The following CHSY1 variants were observed in gnomAD, a reference collection of about 807,000 sequenced individuals.
CHSY1 encodes the protein chondroitin sulfate synthase 1, also known as N-acetylgalactosaminyl-proteoglycan 3-beta-glucuronosyltransferase 1.
In CHSY1, 13 loss-of-function variants were observed where a neutral mutation model predicts 59.8. That is an observed-to-expected ratio of 0.22 (90% CI 0.14 to 0.35). The LOEUF (loss-of-function observed/expected upper bound fraction) is 0.35, where lower values mean the gene tolerates loss of function less well. Ranked by LOEUF, CHSY1 falls within the 10% of genes least tolerant of loss-of-function variation. CHSY1 has a pLI of 1.00. For synonymous variants in CHSY1, 459 were observed against 401.2 expected (o/e 1.14, Z -1.72); for missense variants, 947 against 1,030.6 (o/e 0.92, Z 1.11).
intron 1 of CHSY1, among the ~76,000 whole-genome samples, chr15:101,237,546 G>A (rs973289626): frequency 1.3e-5 from 2 of 152,136 alleles, no homozygotes; most frequent in African/African-American, 4.8e-5. Flanking sequence ...AAGAGACAAC[G>A]GTTGCCCGTC....
rs1225216214 is a variant in CHSY1 at position 101,178,304 on chromosome 15, T to C, written c.1493A>G (p.Asn498Ser). The C allele has an allele frequency of 5.0e-6, 8 of 1,609,576 alleles. No homozygotes were observed. Among genetic ancestry groups the C allele is most frequent in the Non-Finnish European group, 6.8e-6 (8 of 1,176,228 alleles). The change falls in exon 3 of 3, where the codon AAT becomes AGT. Residue 498 changes from asparagine (N) to serine (S), a missense_variant. Asn to Ser is a conservative substitution (Grantham distance 46). Coordinates refer to ENST00000254190, the MANE Select transcript of CHSY1 (RefSeq NM_014918.5). ...LDAQELAKRI[N>S]QESGSLSFLS... Reference sequence around the variant, plus strand: ...AAAGGACAAGGATCCAGATTCCTGATTGATTCTCTTGGCCAACTCTTGTGC... The same window carrying C: ...AAAGGACAAGGATCCAGATTCCTGACTGATTCTCTTGGCCAACTCTTGTGC...
At chr15:101,234,074 G>A (rs8038694) in intron 2 of CHSY1, among the ~76,000 whole-genome samples, 51,402 of 152,074 alleles carry the variant, frequency 0.34, 11,070 homozygotes, top group African/African-American at 0.62. Flanking sequence ...TGCAGGCAAA[G>A]GGTGCAGCAA....
intron 2 of CHSY1, among the ~76,000 whole-genome samples, chr15:101,197,717 A>G (rs567036269): frequency 1.3e-5 from 2 of 152,344 alleles, no homozygotes; most frequent in African/African-American, 4.8e-5. Context: ...CTACAAATAC[A>G]GGTGACCGAT....
At chr15:101,243,562 C>T (rs1263920257) in intron 1 of CHSY1, among the ~76,000 whole-genome samples, 1 of 152,214 alleles carries the variant, frequency 6.6e-6, no homozygotes, top group Non-Finnish European at 1.5e-5. Context: ...CCATCCCACA[C>T]ACGCGCCTCC....
At chr15:101,229,913 A>T (rs1043209026) in intron 2 of CHSY1, among the ~76,000 whole-genome samples, 1 of 151,858 alleles carries the variant, frequency 6.6e-6, no homozygotes, top group Non-Finnish European at 1.5e-5. Flanking sequence ...CCTCAAAAAT[A>T]ATAATGATGA....
At chr15:101,198,095 G>C (rs2141251587) in intron 2 of CHSY1, among the ~76,000 whole-genome samples, 1 of 152,128 alleles carries the variant, frequency 6.6e-6, no homozygotes, top group Admixed American at 6.5e-5. Context: ...TGTCCAGTTA[G>C]GTGTGAACCA....
chr15:101,177,710 G>A lies in CHSY1; in HGVS notation c.2087C>T (p.Thr696Met), dbSNP rs865817656. ...GACAAGATCTCCCTTATAAATACAC[G>A]TGATGCCAAACCCATAGTTTCTCCA... is the stretch of plus-strand genomic sequence containing the variant. ...GFWRNYGFGITCIYKGDLVRV... is the reference protein window; with the variant it reads ...GFWRNYGFGIMCIYKGDLVRV... The change falls in exon 3 of 3, where the codon ACG (threonine) becomes ATG (methionine). Residue 696 changes from threonine (T) to methionine (M), a missense_variant. Coordinates refer to ENST00000254190, the MANE Select transcript of CHSY1 (RefSeq NM_014918.5). The A allele has an allele frequency of 5.6e-6, 9 of 1,614,050 alleles. No homozygotes were observed. Among genetic ancestry groups the A allele is most frequent in the Non-Finnish European group, 3.4e-6 (4 of 1,180,036 alleles).
rs532735430 is a variant in CHSY1 at position 101,236,730 on chromosome 15, C to T, written c.321-1153G>A. Among the ~76,000 whole-genome samples the T allele has an allele frequency of 1.2e-3, 188 of 152,102 alleles. 1 individual carries two copies. The highest frequency in any genetic ancestry group is 2.2e-3 in the Non-Finnish European group (153 of 68,002). ...GTCCCAGCTACTAGCGAGGCTAAGG[C>T]GGGAGAATGGCATGAACCCGGAAGG... On this transcript the variant is annotated intron_variant, in intron 1 of 2. Transcript: ENST00000254190.
intron 2 of CHSY1, among the ~76,000 whole-genome samples, chr15:101,194,175 T>C (rs1006517410): frequency 2.6e-5 from 4 of 152,246 alleles, no homozygotes; most frequent in African/African-American, 9.6e-5. Context: ...CTAGTGACAG[T>C]AGAGTTAAGT....
Position 101,251,653 on chromosome 15 carries a change from G to T in CHSY1, c.-197C>A, listed in dbSNP as rs189611932. On this transcript the variant is annotated 5_prime_UTR_variant, in exon 1 of 3. Coordinates refer to ENST00000254190, the MANE Select transcript of CHSY1 (RefSeq NM_014918.5). ...CCCGCGCCGGCGCTTTGTTCCGCAC[G>T]CCCGCCCCCGCCGCCGCGGCCTGCG... is the stretch of plus-strand genomic sequence containing the variant. 1 of 146,282 alleles carries T rather than the reference G, an allele frequency of 6.8e-6. No individual in the cohort carries two copies. The highest frequency in any genetic ancestry group is 2.0e-4 in the East Asian group (1 of 5,046). 9.1% of individuals were successfully genotyped at this position (146,282 alleles called of 1,614,324 possible).
intron 2 of CHSY1, among the ~76,000 whole-genome samples, chr15:101,203,897 A>G (rs980399403): frequency 1.3e-5 from 2 of 152,206 alleles, no homozygotes; most frequent in Non-Finnish European, 2.9e-5. Flanking sequence ...GCTGCATGTG[A>G]CCCTAGACTA....
At chr15:101,183,750 A>T (rs2038312682) in intron 2 of CHSY1, among the ~76,000 whole-genome samples, 1 of 152,258 alleles carries the variant, frequency 6.6e-6, no homozygotes, top group African/African-American at 2.4e-5. Context: ...CACTGCCTCC[A>T]TCTCCAGAGT....
intron 2 of CHSY1, among the ~76,000 whole-genome samples, chr15:101,207,678 C>T (rs1272370447): frequency 6.6e-6 from 1 of 152,182 alleles, no homozygotes; most frequent in Non-Finnish European, 1.5e-5. Context: ...ATATACTATC[C>T]AAGCAAATAT....
intron 1 of CHSY1, among the ~76,000 whole-genome samples, chr15:101,236,204 CGA>C (rs1690364054): frequency 6.6e-6 from 1 of 152,150 alleles, no homozygotes; most frequent in South Asian, 2.1e-4. Flanking sequence ...ATGCAGGGCA[CGA>C]GAGCGCTGTC....
At chr15:101,195,948 A>G (rs2038501994) in intron 2 of CHSY1, among the ~76,000 whole-genome samples, 1 of 152,076 alleles carries the variant, frequency 6.6e-6, no homozygotes, top group Non-Finnish European at 1.5e-5. Flanking sequence ...ATATATAAAT[A>G]TTAAAAATGG....
intron 2 of CHSY1, among the ~76,000 whole-genome samples, chr15:101,231,184 T>C (rs145479950): frequency 1.0e-3 from 157 of 152,194 alleles, no homozygotes; most frequent in African/African-American, 3.5e-3. Context: ...GTGAAAAAGA[T>C]TGGGGAGCCT....
At chr15:101,242,802 G>A (rs1188760684) in intron 1 of CHSY1, among the ~76,000 whole-genome samples, 2 of 152,196 alleles carry the variant, frequency 1.3e-5, no homozygotes, top group Non-Finnish European at 2.9e-5. Flanking sequence ...GCATTCAGCT[G>A]CAGTTTCCCA....
In CHSY1 at chr15:101,201,365, T is replaced by C. The variant is rs146339040; in HGVS notation, c.817-22385A>G. Among the ~76,000 whole-genome samples, 337 of 152,306 alleles carry C rather than the reference T, an allele frequency of 2.2e-3. 2 individuals are homozygous for C. Among genetic ancestry groups the C allele is most frequent in the African/African-American group, 7.7e-3 (321 of 41,558 alleles). On this transcript the variant is annotated intron_variant, in intron 2 of 2. Transcript: ENST00000254190. ...CGTGAATATCAACGTTAAGGCATCC[T>C]GGCAGGAGGAACCACCAAACGTCCT...
In CHSY1 at chr15:101,195,774, G is replaced by C. The variant is rs367671249; in HGVS notation, c.817-16794C>G. 6.8e-5 allele frequency among the ~76,000 whole-genome samples: 10 copies of C among 146,336 alleles called. 1 individual carries two copies. The East Asian group carries it at 2.0e-3, about 30-fold the overall frequency. On this transcript the variant is annotated intron_variant, in intron 2 of 2. Transcript: ENST00000254190. ...TGGGAGGCGGAGCTTGCAGTGAGCCGAGATAGTGCCACTGCACTCCAGCTT... is the reference window on the plus strand; with the variant it reads ...TGGGAGGCGGAGCTTGCAGTGAGCCCAGATAGTGCCACTGCACTCCAGCTT...
Sources: allele counts gnomAD v4.1 joint callset (sites outside exome capture counted in the v4.1 genomes callset), GRCh38; gene constraint gnomAD v4.1.1; transcripts MANE v1.5; gene names NCBI Gene and HGNC (gene_info 2026-07-23, HGNC 2026-07-21).